SCARB1: variants seen among roughly 807,000 people sequenced by gnomAD.
SCARB1 encodes scavenger receptor class B member 1.
In SCARB1, 30 loss-of-function variants were observed where a neutral mutation model predicts 57.2. That is an observed-to-expected ratio of 0.52 (90% CI 0.39 to 0.71). SCARB1 has a LOEUF of 0.71. SCARB1 is among the 30% of genes least tolerant of loss of function. The pLI is 0.00. For missense variants in SCARB1, 543 were observed against 671.2 expected (o/e 0.81, Z 2.11); for synonymous variants, 249 against 268.3 (o/e 0.93, Z 0.70).
intron 1 of SCARB1, among the ~76,000 whole-genome samples, chr12:124,848,262 T>A (rs2135815453): frequency 6.6e-6 from 1 of 152,258 alleles, no homozygotes; most frequent in Admixed American, 6.5e-5. Flanking sequence ...TTTTTTACTT[T>A]TAGTAGAGAC....
intron 9 of SCARB1, among the ~76,000 whole-genome samples, chr12:124,790,630 A>C (rs1438568840): frequency 6.6e-6 from 1 of 152,194 alleles, no homozygotes; most frequent in African/African-American, 2.4e-5. Flanking sequence ...ACAGCAGCAA[A>C]AGGAAATGAA....
intron 1 of SCARB1, among the ~76,000 whole-genome samples, chr12:124,856,744 C>T (rs796255191): frequency 1.3e-5 from 2 of 152,322 alleles, no homozygotes; most frequent in African/African-American, 4.8e-5. Context: ...GGGCCTCCCC[C>T]CCAGGTTCCG....
intron 1 of SCARB1, among the ~76,000 whole-genome samples, chr12:124,832,998 A>G (rs1951470174): frequency 1.3e-5 from 2 of 151,858 alleles, no homozygotes. Context: ...CTCAGGGGGA[A>G]TCCATTGCCT....
chr12:124,805,725 A>ATTTTTTTT, intron 7 of SCARB1, among the ~76,000 whole-genome samples: 1 of 79,570 alleles, frequency 1.3e-5, no homozygotes, highest in Non-Finnish European at 2.4e-5. Context: ...TGCCTAGCTA[A>ATTTTTTTT]TTTTTTTTTT....
intron 1 of SCARB1, among the ~76,000 whole-genome samples, chr12:124,859,907 T>C (rs1433901665): frequency 6.6e-6 from 1 of 152,178 alleles, no homozygotes; most frequent in African/African-American, 2.4e-5. Flanking sequence ...GTAATGTGTT[T>C]TTATGGCCTA....
intron 2 of SCARB1, among the ~76,000 whole-genome samples, chr12:124,816,162 G>A (rs1261021934): frequency 6.6e-6 from 1 of 152,172 alleles, no homozygotes; most frequent in Non-Finnish European, 1.5e-5. Flanking sequence ...GAGCCCCAAG[G>A]CCACCCTCCC....
At chr12:124,827,371 C>G (rs1311565360) in intron 1 of SCARB1, among the ~76,000 whole-genome samples, 1 of 152,110 alleles carries the variant, frequency 6.6e-6, no homozygotes, top group East Asian at 1.9e-4. Flanking sequence ...CATACAACGT[C>G]TGGAATTTAC....
At chr12:124,794,621 G>A (rs1207121483) in intron 9 of SCARB1, among the ~76,000 whole-genome samples, 1 of 151,966 alleles carries the variant, frequency 6.6e-6, no homozygotes, top group East Asian at 1.9e-4. Flanking sequence ...TGGCAGGGAG[G>A]GGGTGAATGT....
chr12:124,791,119 G>T (rs766981877), intron 9 of SCARB1, among the ~76,000 whole-genome samples: 1 of 152,214 alleles, frequency 6.6e-6, no homozygotes, highest in Non-Finnish European at 1.5e-5. Flanking sequence ...GACATGTCAC[G>T]TGGGTTGTCA....
intron 1 of SCARB1, among the ~76,000 whole-genome samples, chr12:124,845,070 C>T (rs557514855): frequency 6.6e-6 from 1 of 151,904 alleles, no homozygotes; most frequent in African/African-American, 2.4e-5. Flanking sequence ...GACGCAGCCA[C>T]ACAGAGGATG....
intron 1 of SCARB1, among the ~76,000 whole-genome samples, chr12:124,818,739 G>A (rs974945031): frequency 3.3e-5 from 5 of 151,964 alleles, no homozygotes; most frequent in East Asian, 1.9e-4. Context: ...TCCATATTCC[G>A]GGTTCAAGCA....
chr12:124,832,472 A>G (rs781685650), intron 1 of SCARB1, among the ~76,000 whole-genome samples: 1 of 151,528 alleles, frequency 6.6e-6, no homozygotes, highest in African/African-American at 2.4e-5. Flanking sequence ...GTGAGCCGAG[A>G]TTGTGCCACT....
intron 1 of SCARB1, among the ~76,000 whole-genome samples, chr12:124,830,280 ACTTTTTCTACCAAAG>A (rs1242595610): frequency 6.6e-6 from 1 of 152,210 alleles, no homozygotes; most frequent in African/African-American, 2.4e-5. Context: ...TGTGGAATAT[ACTTTTTCTACCAAAG>A]CTGGACGTTC....
intron 1 of SCARB1, among the ~76,000 whole-genome samples, chr12:124,844,016 C>T (rs1952027518): frequency 6.6e-6 from 1 of 152,148 alleles, no homozygotes; most frequent in Admixed American, 6.5e-5. Context: ...AATGGCTCCC[C>T]CTCTGCCCTA....
chr12:124,814,926 G>A lies in SCARB1; in HGVS notation c.426+47C>T, dbSNP rs1438469379. Reference sequence around the variant, plus strand: ...AGGGGCAGGCGGGAGGAGAGACAGGGGACGAGGTCAGGGTGCGAGGCGGCG... The same window carrying A: ...AGGGGCAGGCGGGAGGAGAGACAGGAGACGAGGTCAGGGTGCGAGGCGGCG... On this transcript the variant is annotated intron_variant, in intron 3 of 12. Transcript: ENST00000261693. This position sits in a 1 kb window ranked among gnomAD's most constrained non-coding sequence, Gnocchi z 4.7. 3 of 1,612,448 alleles carry A rather than the reference G, an allele frequency of 1.9e-6. No homozygotes were observed. The highest frequency in any genetic ancestry group is 1.7e-6 in the Non-Finnish European group (2 of 1,179,274).
At position 124,786,468 on chromosome 12, in the gene SCARB1, G is replaced by A. The variant is rs771927957; in HGVS notation, c.1290C>T (p.Phe430=). 1 of 1,614,176 alleles carries A rather than the reference G, an allele frequency of 6.2e-7. No homozygotes were observed. Among genetic ancestry groups the A allele is most frequent in the South Asian group, 1.1e-5 (1 of 91,088 alleles). Residue 430 remains phenylalanine (F), a synonymous_variant, in exon 11 of 13, where the codon TTC becomes TTT. Coordinates refer to ENST00000261693, the MANE Select transcript of SCARB1 (RefSeq NM_005505.5). ...TGGGCATCAACACCAGCTGAGTGTA[G>A]AATGTGTGAAGAGTCTCCCCCTCCA... ...GAMEGETLHT[F]YTQLVLMPKV...
At chr12:124,827,752 T>C (rs1033222524) in intron 1 of SCARB1, among the ~76,000 whole-genome samples, 1 of 152,208 alleles carries the variant, frequency 6.6e-6, no homozygotes, top group African/African-American at 2.4e-5. Context: ...TCTGCTTACA[T>C]GCCCCCTTCT....
chr12:124,787,919 G>A (rs899007833), intron 9 of SCARB1, among the ~76,000 whole-genome samples: 3 of 152,080 alleles, frequency 2.0e-5, no homozygotes, highest in African/African-American at 7.2e-5. Flanking sequence ...GAGAGACCAT[G>A]TTCACATAAC....
chr12:124,846,359 G>C (rs1238972079), intron 1 of SCARB1, among the ~76,000 whole-genome samples: 1 of 152,168 alleles, frequency 6.6e-6, no homozygotes, highest in Non-Finnish European at 1.5e-5. Context: ...TACTCTGACT[G>C]TCGGGCCCTA....
Sources: allele counts gnomAD v4.1 joint callset (sites outside exome capture counted in the v4.1 genomes callset), GRCh38; gene constraint gnomAD v4.1.1; non-coding constraint Gnocchi (gnomAD v3.1); transcripts MANE v1.5; gene names NCBI Gene and HGNC (gene_info 2026-07-23, HGNC 2026-07-21).